The following EBF1 variants were observed in gnomAD, a reference collection of about 807,000 sequenced individuals.
EBF1 encodes EBF transcription factor 1.
Under a neutral mutation model 68.4 loss-of-function variants are expected in EBF1, and 10 were observed. That is an observed-to-expected ratio of 0.15 (90% confidence interval 0.09 to 0.25). The LOEUF is 0.25. Ranked by LOEUF, EBF1 falls within the 10% of genes least tolerant of loss-of-function variation. The pLI, the probability that EBF1 is intolerant of heterozygous loss-of-function variation, is 1.00. For synonymous variants in EBF1, 298 were observed against 299.8 expected (o/e 0.99, Z 0.06); for missense variants, 509 against 794.4 (o/e 0.64, Z 4.32).
intron 10 of EBF1, among the ~76,000 whole-genome samples, chr5:158,775,722 C>T (rs1460975549): frequency 1.3e-5 from 2 of 150,172 alleles, no homozygotes; most frequent in African/African-American, 4.9e-5. Flanking sequence ...CCTTTTCCTG[C>T]AGCCCCATAA....
At chr5:158,783,070 C>T (rs1239712369) in intron 9 of EBF1, among the ~76,000 whole-genome samples, 2 of 152,082 alleles carry the variant, frequency 1.3e-5, no homozygotes, top group Admixed American at 6.5e-5. Flanking sequence ...GTATGCCACA[C>T]AAGATCTTTG....
chr5:159,097,018 C>G lies in EBF1; in HGVS notation c.247G>C (p.Glu83Gln). The G allele has an allele frequency of 6.2e-7, 1 of 1,611,868 alleles. No homozygotes were observed. The change falls in exon 2 of 16, where the codon GAG becomes CAG. Residue 83 changes from glutamate to glutamine, a missense_variant. Transcript: ENST00000313708. ...CCCACAAACGCTGTCCTCTCGATCT[C>G]CACGGGCTGGCCCTGTCTGTCGTAG... ...ALYDRQGQPV[E>Q]IERTAFVGFV...
intron 10 of EBF1, among the ~76,000 whole-genome samples, chr5:158,749,308 G>A (rs1768249352): frequency 6.6e-6 from 1 of 152,094 alleles, no homozygotes; most frequent in Non-Finnish European, 1.5e-5. Context: ...TAAAATACTG[G>A]AAACCATGAA....
chr5:159,000,448 GT>G (rs1252946038), intron 6 of EBF1, among the ~76,000 whole-genome samples: 1 of 150,878 alleles, frequency 6.6e-6, no homozygotes, highest in Non-Finnish European at 1.5e-5. Flanking sequence ...GTTATTTTCT[GT>G]TTTGTTTTGA....
intron 10 of EBF1, among the ~76,000 whole-genome samples, chr5:158,771,880 C>T (rs1440956796): frequency 6.6e-6 from 1 of 152,158 alleles, no homozygotes; most frequent in Non-Finnish European, 1.5e-5. Flanking sequence ...CGATGCAAGC[C>T]TCATTGCTAT....
intron 6 of EBF1, among the ~76,000 whole-genome samples, chr5:158,919,205 G>T (rs932850654): frequency 3.9e-5 from 6 of 152,200 alleles, no homozygotes; most frequent in African/African-American, 1.4e-4. Context: ...TCAGCTGCTG[G>T]CATTTATGAG....
chr5:158,996,770 A>G (rs1429173191), intron 6 of EBF1, among the ~76,000 whole-genome samples: 1 of 152,252 alleles, frequency 6.6e-6, no homozygotes, highest in Non-Finnish European at 1.5e-5. Context: ...TCCTAATAAA[A>G]GAAGGCTCAC....
At chr5:158,951,542 C>T (rs1243237996) in intron 6 of EBF1, among the ~76,000 whole-genome samples, 1 of 152,164 alleles carries the variant, frequency 6.6e-6, no homozygotes, top group South Asian at 2.1e-4. Flanking sequence ...TCAATGGGGT[C>T]TTCTTCCCGC....
intron 9 of EBF1, among the ~76,000 whole-genome samples, chr5:158,784,990 C>T (rs1346814829): frequency 6.6e-6 from 1 of 152,068 alleles, no homozygotes; most frequent in African/African-American, 2.4e-5. Flanking sequence ...TTGGGTAGAG[C>T]TTCTCTGGGG....
At position 158,696,738 on chromosome 5, in the gene EBF1, TAA is replaced by T. The variant is rs1002274597; in HGVS notation, c.*2371_*2372del. 19 of 41,606 alleles carry T rather than the reference TAA, an allele frequency of 4.6e-4. No individual in the cohort carries two copies. Among genetic ancestry groups the T allele is most frequent in the African/African-American group, 2.0e-3 (18 of 9,138 alleles). 2.6% of individuals were successfully genotyped at this position (41,606 alleles called of 1,614,324 possible). ...CCCCTCCCCCACCCACCCCAACCCATAAAAATCGCACTCTTGACAGCCTAGTG... is the reference window on the plus strand; with the variant it reads ...CCCCTCCCCCACCCACCCCAACCCATAAATCGCACTCTTGACAGCCTAGTG... On this transcript the variant is annotated 3_prime_UTR_variant, in exon 16 of 16. Transcript: ENST00000313708.
At chr5:159,014,168 A>T (rs11747844) in intron 6 of EBF1, among the ~76,000 whole-genome samples, 35,138 of 152,152 alleles carry the variant, frequency 0.23, 4,407 homozygotes, top group Non-Finnish European at 0.27. Flanking sequence ...AAATTTCATG[A>T]TCAGTGAATC....
chr5:158,896,470 C>T (rs1046343800), intron 6 of EBF1, among the ~76,000 whole-genome samples: 7 of 152,180 alleles, frequency 4.6e-5, no homozygotes, highest in Non-Finnish European at 8.8e-5. Context: ...TACATGCTGA[C>T]TGTTTTTCAT....
chr5:158,948,727 G>A (rs1411098721), intron 6 of EBF1, among the ~76,000 whole-genome samples: 2 of 152,124 alleles, frequency 1.3e-5, no homozygotes, highest in African/African-American at 4.8e-5. Context: ...CCTGCTCAGC[G>A]ACCCTGCCTT....
chr5:158,997,490 A>T (rs1018874564), intron 6 of EBF1, among the ~76,000 whole-genome samples: 34 of 152,102 alleles, frequency 2.2e-4, no homozygotes, highest in African/African-American at 8.0e-4. Flanking sequence ...CAAAATCCAG[A>T]TTCTACCCTC....
chr5:158,847,981 C>T (rs570145423), intron 6 of EBF1, among the ~76,000 whole-genome samples: 1 of 152,252 alleles, frequency 6.6e-6, no homozygotes, highest in African/African-American at 2.4e-5. Context: ...CGACCCACCC[C>T]ACAAAGCCAA....
chr5:159,074,331 C>T (rs1011896958), intron 5 of EBF1, among the ~76,000 whole-genome samples: 1 of 152,112 alleles, frequency 6.6e-6, no homozygotes, highest in African/African-American at 2.4e-5. Context: ...GTACAATGGT[C>T]AACAGAAAAC....
chr5:158,936,104 T>C (rs374267055), intron 6 of EBF1, among the ~76,000 whole-genome samples: 1 of 152,220 alleles, frequency 6.6e-6, no homozygotes, highest in African/African-American at 2.4e-5. Flanking sequence ...GCATGTTCCC[T>C]AGGTGTCTGA....
chr5:158,943,576 T>A (rs897910302), intron 6 of EBF1, among the ~76,000 whole-genome samples: 2 of 152,180 alleles, frequency 1.3e-5, no homozygotes, highest in African/African-American at 4.8e-5. Context: ...GACATATGCA[T>A]ACAAGACCTC....
chr5:159,090,252 A>G (rs1781390489), intron 4 of EBF1, among the ~76,000 whole-genome samples: 1 of 120,384 alleles, frequency 8.3e-6, no homozygotes, highest in Non-Finnish European at 1.8e-5. Flanking sequence ...TAAAAAAAAA[A>G]GAAAGAAAAA....
Sources: allele counts gnomAD v4.1 joint callset (sites outside exome capture counted in the v4.1 genomes callset), GRCh38; gene constraint gnomAD v4.1.1; transcripts MANE v1.5; gene names NCBI Gene and HGNC (gene_info 2026-07-23, HGNC 2026-07-21).